Variants in CLTRN observed in about 807,000 individuals in gnomAD.
CLTRN encodes collectrin, amino acid transport regulator.
A neutral mutation model predicts 14.5 loss-of-function variants in CLTRN; 12 were observed. The observed-to-expected ratio is 0.83, with a 90% CI of 0.53 to 1.34. CLTRN has a LOEUF of 1.34. Among genes scored for constraint, CLTRN ranks in the 40% most tolerant of loss-of-function variants. The pLI, the probability that CLTRN is intolerant of heterozygous loss-of-function variation, is 0.00. For synonymous variants in CLTRN, 58 were observed against 56.5 expected, an observed-to-expected ratio of 1.03 and a Z score of -0.12; for missense variants, 154 against 165.1, an observed-to-expected ratio of 0.93 and a Z score of 0.37.
At chrX:15,637,658 A>G (rs150607831) in intron 5 of CLTRN, among the ~76,000 whole-genome samples, 468 of 112,087 alleles carry the variant, frequency 4.2e-3, no homozygotes, top group Middle Eastern at 9.1e-3. Flanking sequence ...GCTGATCCCA[A>G]TACAAACTAG....
upstream of CLTRN, among the ~76,000 whole-genome samples, chrX:15,675,233 G>A (rs1929813062): frequency 8.9e-6 from 1 of 112,389 alleles, no homozygotes; most frequent in Non-Finnish European, 1.9e-5. Context: ...CTCAGGCGGA[G>A]TAGGGACGTG....
chrX:15,635,058 G>A (rs1223145837), intron 5 of CLTRN, among the ~76,000 whole-genome samples: 2 of 111,780 alleles, frequency 1.8e-5, no homozygotes, highest in African/African-American at 6.5e-5. Context: ...CAATAGAGAA[G>A]CAACCTCTTC....
chrX:15,664,693 A>G (rs1371388504), intron 1 of CLTRN, 25 bp downstream of exon 1: 3 of 1,166,614 alleles, frequency 2.6e-6, no homozygotes, highest in East Asian at 5.9e-5. Flanking sequence ...CTGTTCATCT[A>G]TTTTTAAATT....
intron 5 of CLTRN, among the ~76,000 whole-genome samples, chrX:15,633,075 C>T (rs6527619): frequency 0.28 from 30,640 of 109,180 alleles, 3,578 homozygotes; most frequent in East Asian, 0.52. Context: ...TGAGTGGGCA[C>T]TGTAGCACAG....
At chrX:15,655,462 C>A (rs779202816) in intron 3 of CLTRN, among the ~76,000 whole-genome samples, 1 of 112,030 alleles carries the variant, frequency 8.9e-6, no homozygotes, top group Non-Finnish European at 1.9e-5. Flanking sequence ...GCTCTGCCTC[C>A]GGGGTGTACA....
At chrX:15,670,197 G>A (rs1013175409) in intron 1 of CLTRN, among the ~76,000 whole-genome samples, 34 of 109,796 alleles carry the variant, frequency 3.1e-4, no homozygotes, top group African/African-American at 1.1e-3. Flanking sequence ...GATCACCTGA[G>A]CCCAGGGAGG....
Position 15,627,825 on chromosome X carries a change from G to A in CLTRN, c.*146C>T. 5.2e-6 allele frequency: 2 copies of A among 384,750 alleles called. No homozygotes were observed. Among genetic ancestry groups the A allele is most frequent in the Non-Finnish European group, 8.1e-6 (2 of 245,978 alleles). The allele number at this position is 384,750 out of a possible 1,213,427, so 31.7% of individuals were successfully genotyped here. On this transcript the variant is annotated 3_prime_UTR_variant, in exon 6 of 6. Transcript: ENST00000380342. ...GTGGTGTTGGTGGGTATAATTGATT[G>A]CTTTTCACTTTCAAGCACATTCAAA...
intron 2 of CLTRN, among the ~76,000 whole-genome samples, chrX:15,661,367 G>A (rs1382723322): frequency 2.7e-5 from 3 of 112,105 alleles, no homozygotes; most frequent in Non-Finnish European, 5.6e-5. Context: ...AAGCTGGCTG[G>A]GTAGGAGTCC....
At chrX:15,634,050 C>T (rs1008636938) in intron 5 of CLTRN, among the ~76,000 whole-genome samples, 2 of 111,925 alleles carry the variant, frequency 1.8e-5, no homozygotes, top group Non-Finnish European at 1.9e-5. Context: ...TTAGATACAA[C>T]TAAGGTCTAA....
intron 3 of CLTRN, among the ~76,000 whole-genome samples, chrX:15,645,599 C>T (rs1031442883): frequency 1.8e-5 from 2 of 112,217 alleles, no homozygotes; most frequent in Middle Eastern, 4.2e-3. Flanking sequence ...TTGAACAAAC[C>T]TCCAACTTAA....
rs1291301340 is a variant in CLTRN, at chrX:15,636,661, C to T, written c.512+2901G>A. On this transcript the variant is annotated intron_variant, in intron 5 of 5. Transcript: ENST00000380342. Reference sequence around the variant, plus strand: ...GTTTCTACAGTATGATGGAAAATACCAAGATATTTTCCACAATATCTTGGT... The same window carrying T: ...GTTTCTACAGTATGATGGAAAATACTAAGATATTTTCCACAATATCTTGGT... Among the ~76,000 whole-genome samples, 3 of 111,489 alleles carry T rather than the reference C, an allele frequency of 2.7e-5. No homozygotes were observed. The East Asian group carries it at 8.5e-4, about 32-fold the overall frequency.
rs73635827 is a variant in CLTRN at position 15,670,352 on chromosome X, A to C, written c.-505-2416T>G. ...ACACACACACACACACACACACACA[A>C]ACCCCTTTGGAAGTTTTAATATCTT... On this transcript the variant is annotated intron_variant, in intron 1 of 6. Transcript: ENST00000650271. 4.8e-4 allele frequency among the ~76,000 whole-genome samples: 28 copies of C among 58,371 alleles called. No individual in the cohort carries two copies. In the East Asian group the frequency reaches 0.018, roughly 37 times the overall value. 50.7% of individuals were successfully genotyped at this position (58,371 alleles called of 115,157 possible).
intron 3 of CLTRN, among the ~76,000 whole-genome samples, chrX:15,653,555 C>T (rs1421722701): frequency 9.0e-6 from 1 of 111,013 alleles, no homozygotes; most frequent in African/African-American, 3.3e-5. Flanking sequence ...TCATTGTCAG[C>T]CTCCTGTTTC....
At chrX:15,670,344 C>CAA (rs1396537131) in intron 1 of CLTRN, among the ~76,000 whole-genome samples, 2 of 109,278 alleles carry the variant, frequency 1.8e-5, no homozygotes, top group Admixed American at 9.8e-5. Context: ...CACACACACA[C>CAA]ACACACAAAC....
intron 3 of CLTRN, among the ~76,000 whole-genome samples, chrX:15,652,599 A>T: frequency 9.0e-6 from 1 of 110,964 alleles, no homozygotes; most frequent in Middle Eastern, 4.7e-3. Context: ...TCGGAATAAG[A>T]TTTTGTTGTT....
intron 3 of CLTRN, among the ~76,000 whole-genome samples, chrX:15,657,647 T>C (rs1929406087): frequency 9.1e-6 from 1 of 110,451 alleles, no homozygotes; most frequent in Admixed American, 9.6e-5. Flanking sequence ...TTTTTTTTCC[T>C]GTTCAACTTT....
intron 5 of CLTRN, among the ~76,000 whole-genome samples, chrX:15,632,304 G>A (rs1928712633): frequency 1.8e-5 from 2 of 112,629 alleles, no homozygotes; most frequent in African/African-American, 6.5e-5. Context: ...ACTGCCGGGC[G>A]TGGTGGCTCA....
chrX:15,664,815 A>AG, upstream of CLTRN: 1 of 1,118,357 alleles, frequency 8.9e-7, no homozygotes, highest in Non-Finnish European at 1.2e-6. Flanking sequence ...TGAGAAAAAA[A>AG]AAATCCACGC....
chrX:15,671,811 T>C (rs929155367), intron 1 of CLTRN, among the ~76,000 whole-genome samples: 1 of 108,540 alleles, frequency 9.2e-6, no homozygotes, highest in African/African-American at 3.4e-5. Flanking sequence ...ACAGATGATG[T>C]TACAATCTTT....
Sources: gnomAD v4.1 joint callset for allele counts (sites outside exome capture counted in the v4.1 genomes callset) on GRCh38, gnomAD v4.1.1 for gene constraint, MANE v1.5 for transcripts, NCBI Gene and HGNC (gene_info 2026-07-23, HGNC 2026-07-21) for gene names.